The following GLB1L2 variants were observed in gnomAD, a reference collection of about 807,000 sequenced individuals.
GLB1L2 encodes the protein galactosidase beta 1 like 2.
GLB1L2 carries 68 observed loss-of-function variants against 84.1 expected under a neutral mutation model. The observed-to-expected ratio is 0.81, with a 90% CI of 0.67 to 0.99. GLB1L2 has a LOEUF of 0.99. Ranked by LOEUF, GLB1L2 falls within the 50% of genes least tolerant of loss-of-function variation. GLB1L2 has a pLI of 0.00. For synonymous variants in GLB1L2, 290 were observed against 318.0 expected, an observed-to-expected ratio of 0.91 and a Z score of 0.94; for missense variants, 762 against 805.6, an observed-to-expected ratio of 0.95 and a Z score of 0.66.
At chr11:134,364,474 C>A in intron 8 of GLB1L2, 76 bp downstream of exon 8, 1 of 1,176,716 alleles carries the variant, frequency 8.5e-7, no homozygotes, top group Non-Finnish European at 1.2e-6. Context: ...TGTCAGCGTG[C>A]TCAGCTTCCC....
intron 18 of GLB1L2, 46 bp from the exon 19 acceptor site, chr11:134,374,926 C>T (rs751483339): frequency 1.9e-6 from 3 of 1,570,952 alleles, no homozygotes; most frequent in East Asian, 2.3e-5. Context: ...CCCCTGGCTC[C>T]AGGACAGACG....
At chr11:134,346,256 C>T (rs1565435356) in intron 4 of GLB1L2, 1 of 152,528 alleles carries the variant, frequency 6.6e-6, no homozygotes, top group Non-Finnish European at 1.5e-5. Context: ...GTAGGCTCAC[C>T]CTAGTCACGA....
chr11:134,336,184 ACAGT>A (rs1943384999), intron 1 of GLB1L2, among the ~76,000 whole-genome samples: 1 of 152,226 alleles, frequency 6.6e-6, no homozygotes, highest in Admixed American at 6.5e-5. Context: ...ACTCAGCGAA[ACAGT>A]CAGTGGGCTT....
rs1943989407 is a variant in GLB1L2, at chr11:134,373,813, G to C, written c.1595+5G>C. 6.3e-7 allele frequency: 1 copy of C among 1,593,348 alleles called. No homozygotes were observed. Among genetic ancestry groups the C allele is most frequent in the Admixed American group, 1.7e-5 (1 of 59,850 alleles). On this transcript the variant is annotated splice_donor_5th_base_variant and intron_variant, in intron 16 of 18. Transcript: ENST00000535456. ...GAAGAAGAGCTTCTTTCAGAGGTGG[G>C]TCCCTGCCCAGCACCAGCCCTTGCA...
At chr11:134,358,390 C>T (rs115467803) in intron 6 of GLB1L2, among the ~76,000 whole-genome samples, 1,800 of 152,362 alleles carry the variant, frequency 0.012, 40 homozygotes, top group African/African-American at 0.041. Flanking sequence ...TGTGTATGAG[C>T]GGAGGGCCTG....
Position 134,370,454 on chromosome 11 carries a change from G to T in GLB1L2, c.1215+55G>T. On this transcript the variant is annotated intron_variant, in intron 12 of 18. Coordinates refer to ENST00000535456, the MANE Select transcript of GLB1L2 (RefSeq NM_001370461.1). The surrounding 1 kb of genome is among the most constrained non-coding windows in gnomAD (Gnocchi z 4.7). The stretch of plus-strand genomic sequence containing the variant: ...GAGTGAGTGCCGGGGGCAGTCGTTG[G>T]CAGGGAGGTGAGTGCTGGGGGCAGT... 1 of 1,403,746 alleles carries T rather than the reference G, an allele frequency of 7.1e-7. No homozygotes were observed. Among genetic ancestry groups the T allele is most frequent in the Non-Finnish European group, 1.0e-6 (1 of 996,016 alleles). The allele number at this position is 1,403,746 out of a possible 1,614,324, so 87.0% of individuals were successfully genotyped here. A position where few individuals can be genotyped will look rare whatever the true frequency, so the allele number is the denominator to read the frequency against.
At chr11:134,337,594 C>G (rs1054816795) in intron 1 of GLB1L2, among the ~76,000 whole-genome samples, 1 of 152,206 alleles carries the variant, frequency 6.6e-6, no homozygotes, top group African/African-American at 2.4e-5. Flanking sequence ...TATCCCCAAA[C>G]AGACAGTTTA....
chr11:134,332,215 C>A, intron 1 of GLB1L2, 68 bp downstream of exon 1: 1 of 1,162,098 alleles, frequency 8.6e-7, no homozygotes, highest in Non-Finnish European at 1.2e-6. Flanking sequence ...CTCGGGTTCT[C>A]TCCTCCCGCG....
intron 7 of GLB1L2, among the ~76,000 whole-genome samples, chr11:134,363,749 G>T (rs1000790217): frequency 1.3e-5 from 2 of 152,210 alleles, no homozygotes; most frequent in African/African-American, 4.8e-5. Context: ...CAGAGTGCAT[G>T]CTCGGCTTGT....
intron 1 of GLB1L2, among the ~76,000 whole-genome samples, chr11:134,336,088 G>A (rs1943382823): frequency 6.6e-6 from 1 of 152,194 alleles, no homozygotes. Flanking sequence ...GTTTTTAGAG[G>A]CTCCTGCTAA....
At chr11:134,365,723 CT>C (rs1943860147) in intron 8 of GLB1L2, among the ~76,000 whole-genome samples, 1 of 152,192 alleles carries the variant, frequency 6.6e-6, no homozygotes, top group Non-Finnish European at 1.5e-5. Context: ...TGCTGAAGGG[CT>C]TTATGTGCGC....
Position 134,339,006 on chromosome 11 carries a change from G to A in GLB1L2, c.87-3748G>A, listed in dbSNP as rs569916850. ...AAAATCGCTTTGGATAAATGAAGCC[G>A]AGATACATAGGCAACAGGAATCCTA... On this transcript the variant is annotated intron_variant, in intron 1 of 18. Transcript: ENST00000535456. This position sits in a 1 kb window ranked among gnomAD's most constrained non-coding sequence, Gnocchi z 5.7. Among the ~76,000 whole-genome samples the A allele has an allele frequency of 2.7e-4, 41 of 152,310 alleles. No homozygotes were observed. Among genetic ancestry groups the A allele is most frequent in the African/African-American group, 9.1e-4 (38 of 41,566 alleles).
chr11:134,341,069 C>T (rs1282361359), intron 1 of GLB1L2, among the ~76,000 whole-genome samples: 1 of 152,128 alleles, frequency 6.6e-6, no homozygotes, highest in Admixed American at 6.5e-5. Context: ...AAGCTATATA[C>T]CACCATGGGG....
chr11:134,357,131 G>T (rs1465572508), intron 6 of GLB1L2, among the ~76,000 whole-genome samples: 1 of 152,188 alleles, frequency 6.6e-6, no homozygotes, highest in Non-Finnish European at 1.5e-5. Context: ...TACCTTGGAG[G>T]TTCGGCCATG....
chr11:134,367,991 G>A lies in GLB1L2; in HGVS notation c.889+650G>A, dbSNP rs147935592. ...GGGATGAGCGGCACAGGGGCTCCTC[G>A]GCACCGTGTAGATGTGCATGCTCGC... On this transcript the variant is annotated intron_variant, in intron 9 of 18. Transcript: ENST00000535456. Among the ~76,000 whole-genome samples the A allele has an allele frequency of 2.2e-3, 333 of 152,278 alleles. 4 individuals are homozygous for A. In the South Asian group the frequency reaches 0.022, roughly 10 times the overall value.
Position 134,371,126 on chromosome 11 carries a change from G to T in GLB1L2, c.1334G>T (p.Gly445Val), listed in dbSNP as rs1028115231. Reference sequence around the variant, plus strand: ...ATCACCTCGTCTGGCATCCTCAGTGGCCACGTGCATGATCGGGGGCAGGTA... The same window carrying T: ...ATCACCTCGTCTGGCATCCTCAGTGTCCACGTGCATGATCGGGGGCAGGTA... ...TSITSSGILS[G>V]HVHDRGQVFV... Residue 445 changes from glycine (G) to valine (V), a missense_variant, in exon 13 of 19, where the codon GGC becomes GTC. Physicochemically the swap from Gly to Val is moderately radical, Grantham distance 109. Around this residue, in one of 3 missense-constraint regions of GLB1L2, gnomAD observed 603 missense variants for 611.7 expected, o/e 0.99. Transcript: ENST00000535456. The T allele has an allele frequency of 6.2e-7, 1 of 1,614,064 alleles. No individual in the cohort carries two copies. Among genetic ancestry groups the T allele is most frequent in the African/African-American group, 1.3e-5 (1 of 74,928 alleles).
rs146708686 is a variant in GLB1L2, at chr11:134,363,929, G to A, written c.734-399G>A. ...GTCTCACTCTGTCACCCAGGCTAGG[G>A]TGCAATGGCACAATCTCAGTTCACT... On this transcript the variant is annotated intron_variant, in intron 7 of 18. Transcript: ENST00000535456. Among the ~76,000 whole-genome samples, 642 of 152,280 alleles carry A rather than the reference G, an allele frequency of 4.2e-3. 7 individuals are homozygous for A. Among genetic ancestry groups the A allele is most frequent in the African/African-American group, 0.014 (601 of 41,562 alleles).
chr11:134,343,926 C>T (rs1943507225), intron 2 of GLB1L2, among the ~76,000 whole-genome samples: 1 of 152,256 alleles, frequency 6.6e-6, no homozygotes, highest in African/African-American at 2.4e-5. Flanking sequence ...GTCGTCCCTT[C>T]CGCCTCTCGA....
rs756084244 is a variant in GLB1L2, at chr11:134,371,824, C to T, written c.1501C>T (p.Arg501Cys). The T allele has an allele frequency of 2.8e-5, 45 of 1,613,812 alleles. No individual in the cohort carries two copies. The highest frequency in any genetic ancestry group is 9.9e-5 in the South Asian group (9 of 91,066). ...VNYGENIDDQ[R>C]KGLIGNLYLN... Reference sequence around the variant, plus strand: ...CTATGGGGAGAATATTGATGACCAGCGCAAAGGTGGGTCCCAGAATGTGTC... The same window carrying T: ...CTATGGGGAGAATATTGATGACCAGTGCAAAGGTGGGTCCCAGAATGTGTC... The change falls in exon 15 of 19, where the codon CGC (arginine) becomes TGC (cysteine). Residue 501 changes from arginine to cysteine, a missense_variant. Coordinates refer to ENST00000535456, the MANE Select transcript of GLB1L2 (RefSeq NM_001370461.1).
Sources: gnomAD v4.1 joint callset for allele counts (sites outside exome capture counted in the v4.1 genomes callset) on GRCh38, gnomAD v4.1.1 for gene constraint, gnomAD v4.1.1 regional missense constraint, Gnocchi (gnomAD v3.1) non-coding constraint, MANE v1.5 for transcripts, NCBI Gene and HGNC (gene_info 2026-07-23, HGNC 2026-07-21) for gene names.